PDZD2: variants seen among roughly 807,000 people sequenced by gnomAD.
The protein encoded by PDZD2 is PDZ domain containing 2.
PDZD2 carries 90 observed loss-of-function variants against 220.7 expected under a neutral mutation model. The observed-to-expected ratio is 0.41, with a 90% CI of 0.34 to 0.49. The LOEUF (loss-of-function observed/expected upper bound fraction) is 0.49. PDZD2 is among the 20% of genes least tolerant of loss of function. The pLI, the probability that PDZD2 is intolerant of heterozygous loss-of-function variation, is 0.28. For synonymous variants in PDZD2, 1,375 were observed against 1,450.5 expected, an observed-to-expected ratio of 0.95 and a Z score of 1.18; for missense variants, 3,174 against 3,608.5, an observed-to-expected ratio of 0.88 and a Z score of 3.08.
At chr5:31,953,008 T>G (rs1747315481) in intron 2 of PDZD2, among the ~76,000 whole-genome samples, 1 of 144,980 alleles carries the variant, frequency 6.9e-6, no homozygotes, top group South Asian at 2.1e-4. Context: ...CAGTGAGTCA[T>G]GATCGTGCCA....
chr5:31,962,289 C>T (rs1162766379), intron 2 of PDZD2, among the ~76,000 whole-genome samples: 2 of 152,198 alleles, frequency 1.3e-5, no homozygotes, highest in East Asian at 3.8e-4. Flanking sequence ...TCCTTTAACT[C>T]CTCTCCTTTT....
At chr5:31,740,608 G>C (rs1425109098) in intron 1 of PDZD2, among the ~76,000 whole-genome samples, 1 of 148,230 alleles carries the variant, frequency 6.7e-6, no homozygotes, top group African/African-American at 2.5e-5. Flanking sequence ...GGTACCCACT[G>C]ACTGGAGAGT....
In PDZD2 at chr5:32,014,124, A is replaced by G. The variant is rs187599170; in HGVS notation, c.1407+3642A>G. 5.7e-3 allele frequency among the ~76,000 whole-genome samples: 869 copies of G among 152,348 alleles called. 3 individuals carry two copies. Among genetic ancestry groups the G allele is most frequent in the Non-Finnish European group, 7.9e-3 (540 of 68,036 alleles). On this transcript the variant is annotated intron_variant, in intron 6 of 24. Coordinates refer to ENST00000438447, the MANE Select transcript of PDZD2 (RefSeq NM_178140.4). The stretch of plus-strand genomic sequence containing the variant: ...CAGCGTTTTTAAAAATGAAAGGACC[A>G]CTTAAAGAAATGTGGTACTGTTTTA...
intron 6 of PDZD2, among the ~76,000 whole-genome samples, chr5:32,024,130 A>C (rs1754435403): frequency 1.3e-5 from 2 of 152,242 alleles, no homozygotes; most frequent in South Asian, 4.1e-4. Context: ...AATGCAGATA[A>C]GCCAAAGAGA....
At chr5:32,008,276 TTTTG>T (rs1485083762) in intron 5 of PDZD2, among the ~76,000 whole-genome samples, 1 of 148,082 alleles carries the variant, frequency 6.8e-6, no homozygotes, top group Non-Finnish European at 1.5e-5. Flanking sequence ...ATCTAATCTC[TTTTG>T]TTTCTTTTTT....
chr5:31,752,074 T>TTTTGTTTTG (rs1491114329), intron 1 of PDZD2, among the ~76,000 whole-genome samples: 12 of 87,740 alleles, frequency 1.4e-4, no homozygotes, highest in African/African-American at 8.6e-4. Flanking sequence ...TTTGGGTTTG[T>TTTTGTTTTG]TTTTTTTTTT....
intron 2 of PDZD2, among the ~76,000 whole-genome samples, chr5:31,947,860 A>G (rs1479767913): frequency 2.6e-5 from 4 of 151,786 alleles, no homozygotes; most frequent in Non-Finnish European, 5.9e-5. Flanking sequence ...AGTGAGAGAG[A>G]GAAAGAGAGA....
chr5:32,049,973 GC>G (rs1462008005), intron 8 of PDZD2, among the ~76,000 whole-genome samples: 5 of 152,128 alleles, frequency 3.3e-5, no homozygotes, highest in African/African-American at 9.7e-5. Context: ...TCACTCTGTT[GC>G]CCAGGCTAGA....
intron 2 of PDZD2, among the ~76,000 whole-genome samples, chr5:31,885,289 A>G (rs74412270): frequency 6.6e-6 from 1 of 152,052 alleles, no homozygotes; most frequent in Non-Finnish European, 1.5e-5. Context: ...GTTAGAATTA[A>G]GGTTAGGCTT....
chr5:32,040,209 C>T lies in PDZD2; in HGVS notation c.1519+2867C>T, dbSNP rs186723962. ...GAGATGAGGAGCGCTTCTGCCCTGC[C>T]GCCCCATCTGGGAAGTGAGGAGAGC... On this transcript the variant is annotated intron_variant, in intron 7 of 24. Transcript: ENST00000438447. Among the ~76,000 whole-genome samples the T allele has an allele frequency of 4.2e-3, 629 of 149,084 alleles. 5 individuals are homozygous for T. The highest frequency in any genetic ancestry group is 0.014 in the African/African-American group (581 of 40,356).
chr5:31,964,046 T>C (rs1199750191), intron 2 of PDZD2, among the ~76,000 whole-genome samples: 1 of 152,228 alleles, frequency 6.6e-6, no homozygotes, highest in Non-Finnish European at 1.5e-5. Context: ...GTGAACTTGA[T>C]TTTTCCAGAG....
At chr5:32,057,595 C>A in intron 10 of PDZD2, 60 bp from the exon 11 acceptor site, 1 of 940,758 alleles carries the variant, frequency 1.1e-6, no homozygotes, top group Non-Finnish European at 1.7e-6. Context: ...TCTGACTGAG[C>A]AGTTAAATTC....
At chr5:31,679,507 G>A (rs1364529862) in intron 1 of PDZD2, among the ~76,000 whole-genome samples, 4 of 151,978 alleles carry the variant, frequency 2.6e-5, no homozygotes, top group African/African-American at 9.7e-5. Flanking sequence ...TTTTATTTTT[G>A]TTTTATTTTT....
intron 1 of PDZD2, among the ~76,000 whole-genome samples, chr5:31,716,155 G>A (rs1490790158): frequency 1.3e-5 from 2 of 152,110 alleles, no homozygotes; most frequent in Admixed American, 6.5e-5. Flanking sequence ...TAGAACCAAC[G>A]CCTCTTTTCT....
At chr5:31,708,750 AT>A (rs1354627382) in intron 1 of PDZD2, among the ~76,000 whole-genome samples, 1 of 152,190 alleles carries the variant, frequency 6.6e-6, no homozygotes, top group African/African-American at 2.4e-5. Flanking sequence ...GCCAAAGTCA[AT>A]TTGGGGTCAC....
intron 1 of PDZD2, among the ~76,000 whole-genome samples, chr5:31,771,668 T>C (rs1431203746): frequency 1.3e-5 from 2 of 151,966 alleles, no homozygotes; most frequent in East Asian, 1.9e-4. Context: ...ACAAGAACAG[T>C]GTGATAGACC....
chr5:31,791,317 G>T (rs183689359), intron 1 of PDZD2, among the ~76,000 whole-genome samples: 40 of 152,096 alleles, frequency 2.6e-4, no homozygotes, highest in African/African-American at 8.4e-4. Context: ...TTGGCCAGGC[G>T]CAGTGGCTCA....
chr5:31,732,995 CT>C (rs2150157874), intron 1 of PDZD2, among the ~76,000 whole-genome samples: 1 of 152,296 alleles, frequency 6.6e-6, no homozygotes, highest in East Asian at 1.9e-4. Context: ...TCCCAAAGTG[CT>C]AGGATTATAG....
At chr5:31,748,009 T>C (rs1750707167) in intron 1 of PDZD2, 1 of 152,232 alleles carries the variant, frequency 6.6e-6, no homozygotes, top group Non-Finnish European at 1.5e-5. Context: ...TAGATTACCA[T>C]GAAAAAGTTC....
Sources: allele counts gnomAD v4.1 joint callset (sites outside exome capture counted in the v4.1 genomes callset), GRCh38; gene constraint gnomAD v4.1.1; transcripts MANE v1.5; gene names NCBI Gene and HGNC (gene_info 2026-07-23, HGNC 2026-07-21).